FBN2: variants seen among roughly 807,000 people sequenced by gnomAD.
FBN2 encodes the protein fibrillin 2.
A neutral mutation model predicts 355.6 loss-of-function variants in FBN2; 105 were observed. The observed-to-expected ratio is 0.30, with a 90% CI of 0.25 to 0.35. The LOEUF (loss-of-function observed/expected upper bound fraction) is 0.35, where lower values mean the gene tolerates loss of function less well. Among genes scored for constraint, FBN2 ranks in the 10% least tolerant of loss-of-function variants. The probability of loss-of-function intolerance (pLI) is 1.00; values close to 1 mark genes in which losing one functional copy is unlikely to be tolerated. For synonymous variants in FBN2, 1,350 were observed against 1,301.2 expected (o/e 1.04, Z -0.81); for missense variants, 3,280 against 3,758.7 (o/e 0.87, Z 3.33).
intron 7 of FBN2, among the ~76,000 whole-genome samples, chr5:128,410,221 G>A (rs948971302): frequency 6.6e-6 from 1 of 152,168 alleles, no homozygotes; most frequent in Non-Finnish European, 1.5e-5. Flanking sequence ...GCTGCCATCA[G>A]ACTTAATCCA....
intron 8 of FBN2, among the ~76,000 whole-genome samples, chr5:128,405,984 T>C (rs1752917574): frequency 1.3e-5 from 2 of 152,114 alleles, no homozygotes; most frequent in African/African-American, 2.4e-5. Context: ...TCCTAAAGAG[T>C]TGAATCTATA....
At chr5:128,435,415 C>A (rs936636516) in intron 7 of FBN2, among the ~76,000 whole-genome samples, 1 of 152,180 alleles carries the variant, frequency 6.6e-6, no homozygotes, top group African/African-American at 2.4e-5. Context: ...TACTAAAAGT[C>A]ATCACTGAAA....
rs1764896070 is a variant in FBN2, at chr5:128,259,266, C to G, written c.*189G>C. ...CAGTAACCACGGTTGCCTTTGTGCT[C>G]AAATCTTTGGCCATACCAGAGTCTA... is the stretch of plus-strand genomic sequence containing the variant. On this transcript the variant is annotated 3_prime_UTR_variant, in exon 65 of 65. Coordinates refer to ENST00000262464, the MANE Select transcript of FBN2 (RefSeq NM_001999.4). 7 of 682,440 alleles carry G rather than the reference C, an allele frequency of 1.0e-5. No individual in the cohort carries two copies. The highest frequency in any genetic ancestry group is 4.1e-4 in the Middle Eastern group (1 of 2,434). 42.3% of individuals were successfully genotyped at this position (682,440 alleles called of 1,614,324 possible). A position where few individuals can be genotyped will look rare whatever the true frequency, so the allele number is the denominator to read the frequency against.
At chr5:128,293,055 T>A (rs1294809362) in intron 48 of FBN2, among the ~76,000 whole-genome samples, 1 of 152,152 alleles carries the variant, frequency 6.6e-6, no homozygotes, top group Non-Finnish European at 1.5e-5. Context: ...AGGTGCCAAA[T>A]GTTCACTGTC....
In FBN2 at chr5:128,494,464, C is replaced by G. The variant is rs532613588; in HGVS notation, c.628+24809G>C. On this transcript the variant is annotated intron_variant, in intron 5 of 64. Transcript: ENST00000262464. ...TGGAGTCAGAGGCTCAAAGGCTGGCCCCAAAAATTTATCCTGCAAAGGGTC... is the reference window on the plus strand; with the variant it reads ...TGGAGTCAGAGGCTCAAAGGCTGGCGCCAAAAATTTATCCTGCAAAGGGTC... 3.3e-5 allele frequency among the ~76,000 whole-genome samples: 5 copies of G among 152,064 alleles called. No individual in the cohort carries two copies. In the South Asian group the frequency reaches 6.2e-4, roughly 19 times the overall value.
At chr5:128,277,857 G>A in intron 58 of FBN2, 23 bp downstream of exon 58, 1 of 1,613,868 alleles carries the variant, frequency 6.2e-7, no homozygotes, top group Middle Eastern at 1.6e-4. Context: ...CAAACCCCTG[G>A]ATATAGAGGT....
intron 4 of FBN2, among the ~76,000 whole-genome samples, chr5:128,526,895 A>G (rs202246083): frequency 6.6e-6 from 1 of 152,146 alleles, no homozygotes; most frequent in South Asian, 2.1e-4. Flanking sequence ...TGTTATGTAT[A>G]TTTTACAACA....
intron 5 of FBN2, among the ~76,000 whole-genome samples, chr5:128,473,419 T>C (rs1000412619): frequency 6.6e-6 from 1 of 152,242 alleles, no homozygotes; most frequent in African/African-American, 2.4e-5. Context: ...CCTTTTAATA[T>C]ATCTTTTTAT....
intron 5 of FBN2, among the ~76,000 whole-genome samples, chr5:128,500,097 C>G (rs1206151239): frequency 6.6e-6 from 1 of 152,106 alleles, no homozygotes; most frequent in African/African-American, 2.4e-5. Flanking sequence ...TTGGAAGCCC[C>G]TCCTCCTGGC....
At chr5:128,318,832 C>A in intron 35 of FBN2, 47 bp downstream of exon 35, 1 of 1,594,978 alleles carries the variant, frequency 6.3e-7, no homozygotes, top group South Asian at 1.1e-5. Context: ...GCACAGAATA[C>A]TCATTTCAAT....
intron 30 of FBN2, 126 bp from the exon 31 acceptor site, chr5:128,334,970 C>T: frequency 8.7e-7 from 1 of 1,154,506 alleles, no homozygotes; most frequent in Non-Finnish European, 1.3e-6. Context: ...ATCCGCAAAT[C>T]ATCGTGTTAT....
At chr5:128,408,592 T>C in intron 8 of FBN2, 82 bp downstream of exon 8, 1 of 1,491,334 alleles carries the variant, frequency 6.7e-7, no homozygotes, top group Non-Finnish European at 9.4e-7. Context: ...TATTTTATAA[T>C]CGTTGCCATC....
Position 128,376,792 on chromosome 5 carries a change from G to C in FBN2, c.1911C>G (p.Gly637=), listed in dbSNP as rs537558351. 3.7e-6 allele frequency: 6 copies of C among 1,613,396 alleles called. No homozygotes were observed. In the East Asian group the frequency reaches 1.3e-4, roughly 36 times the overall value. The change falls in exon 14 of 65, where the codon GGC becomes GGG. Residue 637 remains glycine, a synonymous_variant. Transcript: ENST00000262464. ...CLNGMCINED[G]SFKCICKPGF... The stretch of plus-strand genomic sequence containing the variant: ...CTGGTTTGCAGATGCACTTGAAGCT[G>C]CCATCTTCATTGATGCACATTCCAT...
Position 128,287,420 on chromosome 5 carries a change from T to C in FBN2, c.6768A>G (p.Glu2256=), listed in dbSNP as rs1410350901. ...CACACAGCAGTGGGTTCTGGGCACATTCGTTGATATCTGACCAAAGGAATG... is the reference window on the plus strand; with the variant it reads ...CACACAGCAGTGGGTTCTGGGCACACTCGTTGATATCTGACCAAAGGAATG... ...GPMMNCEDIN[E]CAQNPLLCAF... is the part of the protein sequence containing the mutation. Residue 2256 remains glutamate, a synonymous_variant, in exon 54 of 65, where the codon GAA becomes GAG. Transcript: ENST00000262464. 2 of 1,613,884 alleles carry C rather than the reference T, an allele frequency of 1.2e-6. No homozygotes were observed. Among genetic ancestry groups the C allele is most frequent in the East Asian group, 4.5e-5 (2 of 44,848 alleles).
At chr5:128,447,406 C>T (rs1754097358) in intron 6 of FBN2, among the ~76,000 whole-genome samples, 1 of 151,966 alleles carries the variant, frequency 6.6e-6, no homozygotes, top group South Asian at 2.1e-4. Context: ...CTGGGACTGT[C>T]TCTCTTTTAC....
rs1581226300 is a variant in FBN2 at position 128,338,273 on chromosome 5, T to G, written c.3473-151A>C. 6.0e-6 allele frequency: 5 copies of G among 826,910 alleles called. No homozygotes were observed. In the East Asian group the frequency reaches 1.4e-4, roughly 23 times the overall value. The allele number at this position is 826,910 out of a possible 1,614,324, so 51.2% of individuals were successfully genotyped here. On this transcript the variant is annotated intron_variant, in intron 26 of 64. Transcript: ENST00000262464. ...GAGATGGGATAACGCTTTCCTCACTTTTCCTACGACCAACAGAAAAACTAA... is the reference window on the plus strand; with the variant it reads ...GAGATGGGATAACGCTTTCCTCACTGTTCCTACGACCAACAGAAAAACTAA...
intron 7 of FBN2, among the ~76,000 whole-genome samples, chr5:128,434,892 A>G (rs1281747893): frequency 1.3e-5 from 2 of 152,156 alleles, no homozygotes; most frequent in African/African-American, 2.4e-5. Flanking sequence ...AGGTTTTCCT[A>G]TCATTAACAC....
rs368814061 is a variant in FBN2, at chr5:128,376,770, G to A, written c.1933C>T (p.Pro645Ser). Residue 645 changes from proline (P) to serine (S), a missense_variant, in exon 14 of 65, where the codon CCA (proline) becomes TCA (serine). By Grantham distance (74) the Pro-to-Ser change is moderately conservative (BLOSUM62 -1). Transcript: ENST00000262464. ...EDGSFKCICK[P>S]GFVLAPNGRY... ...CCATTTGGAGCCAAGACAAATCCTG[G>A]TTTGCAGATGCACTTGAAGCTGCCA... 22 of 1,613,600 alleles carry A rather than the reference G, an allele frequency of 1.4e-5. No homozygotes were observed. The highest frequency in any genetic ancestry group is 1.9e-5 in the Non-Finnish European group (22 of 1,179,740).
Position 128,263,424 on chromosome 5 carries a change from C to T in FBN2, c.8192+1G>A. On this transcript the variant is annotated splice_donor_variant, in intron 63 of 64. Transcript: ENST00000262464. LOFTEE classifies it high-confidence loss of function. The stretch of plus-strand genomic sequence containing the variant: ...TGTGCTGAGGCTGAAGGCCGCCTTA[C>T]CCTTGTCCCACTCTGTAATACCCAG... The T allele has an allele frequency of 6.2e-7, 1 of 1,610,834 alleles. No individual in the cohort carries two copies. Among genetic ancestry groups the T allele is most frequent in the Non-Finnish European group, 8.5e-7 (1 of 1,177,012 alleles).
Sources: allele counts gnomAD v4.1 joint callset (sites outside exome capture counted in the v4.1 genomes callset), GRCh38; gene constraint gnomAD v4.1.1; transcripts MANE v1.5; gene names NCBI Gene and HGNC (gene_info 2026-07-23, HGNC 2026-07-21).